The following KPNA5 variants were observed in gnomAD, a reference collection of about 807,000 sequenced individuals.
KPNA5 encodes the protein karyopherin subunit alpha 5, also known as importin subunit alpha-6.
A neutral mutation model predicts 71.3 loss-of-function variants in KPNA5; 46 were observed. The observed-to-expected ratio is 0.65, with a 90% CI of 0.51 to 0.83. The LOEUF (loss-of-function observed/expected upper bound fraction) is 0.83. Among genes scored for constraint, KPNA5 ranks in the 40% least tolerant of loss-of-function variants. KPNA5 has a pLI of 0.00. For missense variants in KPNA5, 547 were observed against 628.3 expected (o/e 0.87, Z 1.38); for synonymous variants, 207 against 201.4 (o/e 1.03, Z -0.24).
chr6:116,709,341 G>T (rs1263466920), intron 7 of KPNA5, among the ~76,000 whole-genome samples: 1 of 151,716 alleles, frequency 6.6e-6, no homozygotes, highest in Non-Finnish European at 1.5e-5. Flanking sequence ...GGGAATACAG[G>T]CGTGCACCAC....
chr6:116,692,625 T>C (rs1325164152), intron 4 of KPNA5, among the ~76,000 whole-genome samples: 1 of 152,158 alleles, frequency 6.6e-6, no homozygotes, highest in Admixed American at 6.5e-5. Flanking sequence ...GAGGCAAATA[T>C]AAAAAGATTA....
intron 1 of KPNA5, among the ~76,000 whole-genome samples, chr6:116,688,369 A>T (rs2114363570): frequency 6.6e-6 from 1 of 152,222 alleles, no homozygotes; most frequent in South Asian, 2.1e-4. Flanking sequence ...TTGGACATGG[A>T]TATGTCCTCT....
chr6:116,692,229 T>A (rs1777830124), intron 3 of KPNA5, 64 bp from the exon 4 acceptor site: 1 of 1,420,944 alleles, frequency 7.0e-7, no homozygotes. Context: ...CAAATATTTA[T>A]GCATGCAAAA....
chr6:116,681,277 C>T lies in KPNA5; in HGVS notation c.-58C>T. The T allele has an allele frequency of 3.1e-6, 5 of 1,607,748 alleles. No homozygotes were observed. Among genetic ancestry groups the T allele is most frequent in the Non-Finnish European group, 4.3e-6 (5 of 1,176,464 alleles). On this transcript the variant is annotated 5_prime_UTR_variant, in exon 1 of 14. Transcript: ENST00000368564. The stretch of plus-strand genomic sequence containing the variant: ...GCGGAGTGGCGGCCCTTCTGTTACC[C>T]GCCACACACGTCGCCGCTGGGGACT...
At position 116,733,236 on chromosome 6, in the gene KPNA5, GAA is replaced by G. The variant is rs1779557938; in HGVS notation, c.*916_*917del. On this transcript the variant is annotated 3_prime_UTR_variant, in exon 14 of 14. Transcript: ENST00000368564. ...TCTCTGATTTTTCAGAGCAGTAATT[GAA>G]AAGTTTCATTTTCTGTATAATAGTA... 2 of 151,508 alleles carry G rather than the reference GAA, an allele frequency of 1.3e-5. No individual in the cohort carries two copies. Among genetic ancestry groups the G allele is most frequent in the African/African-American group, 4.8e-5 (2 of 41,478 alleles). The allele number at this position is 151,508 out of a possible 1,614,324, so 9.4% of individuals were successfully genotyped here. A position where few individuals can be genotyped will look rare whatever the true frequency, so the allele number is the denominator to read the frequency against.
intron 1 of KPNA5, among the ~76,000 whole-genome samples, chr6:116,682,057 G>C (rs534812327): frequency 3.2e-4 from 48 of 152,176 alleles, no homozygotes; most frequent in African/African-American, 1.1e-3. Context: ...ACGAGGTCAG[G>C]AGATCGAGAC....
intron 5 of KPNA5, among the ~76,000 whole-genome samples, chr6:116,699,019 A>G (rs1171688262): frequency 1.3e-5 from 2 of 152,018 alleles, no homozygotes; most frequent in Non-Finnish European, 2.9e-5. Context: ...AAGTATATAA[A>G]ATCATTACTA....
intron 7 of KPNA5, among the ~76,000 whole-genome samples, chr6:116,710,891 ATATTT>A (rs1318639118): frequency 0.015 from 1,076 of 69,918 alleles, 10 homozygotes; most frequent in African/African-American, 0.091. Flanking sequence ...ATATATATAT[ATATTT>A]TTTTTTTTTT....
intron 1 of KPNA5, among the ~76,000 whole-genome samples, chr6:116,682,138 A>C (rs964550527): frequency 2.6e-5 from 4 of 151,994 alleles, no homozygotes; most frequent in African/African-American, 4.8e-5. Context: ...ATACAAAATA[A>C]TAAATACAAA....
chr6:116,688,724 A>G (rs1298131795), intron 1 of KPNA5, among the ~76,000 whole-genome samples: 1 of 152,160 alleles, frequency 6.6e-6, no homozygotes. Context: ...TTAGTATTTC[A>G]AAAGAACTAA....
Position 116,699,302 on chromosome 6 carries a change from T to C in KPNA5, c.435+504T>C, listed in dbSNP as rs193282374. ...GATATAGTTACAATTTTAAGATGTC[T>C]TCCAAATAATTTGCTACTAATGGAA... is the stretch of plus-strand genomic sequence containing the variant. On this transcript the variant is annotated intron_variant, in intron 5 of 13. Transcript: ENST00000368564. 3.8e-3 allele frequency among the ~76,000 whole-genome samples: 578 copies of C among 152,276 alleles called. 3 individuals are homozygous for C. The highest frequency in any genetic ancestry group is 6.3e-3 in the Admixed American group (97 of 15,294).
Position 116,701,851 on chromosome 6 carries a change from CT to C in KPNA5, c.436-160del, listed in dbSNP as rs1298397193. Reference sequence around the variant, plus strand: ...AATCAGTGATCTTTGATGACAATTACTTTTTTTTCTATGAGTTTTTATCCTT... The same window carrying C: ...AATCAGTGATCTTTGATGACAATTACTTTTTTTCTATGAGTTTTTATCCTT... On this transcript the variant is annotated intron_variant, in intron 5 of 13. Coordinates refer to ENST00000368564, the MANE Select transcript of KPNA5 (RefSeq NM_001366306.2). Among the ~76,000 whole-genome samples, 20 of 152,134 alleles carry C rather than the reference CT, an allele frequency of 1.3e-4. No homozygotes were observed. In the East Asian group the frequency reaches 1.7e-3, roughly 13 times the overall value.
At chr6:116,702,224 TG>T in intron 6 of KPNA5, 74 bp downstream of exon 6, 1 of 1,450,394 alleles carries the variant, frequency 6.9e-7, no homozygotes, top group Non-Finnish European at 9.4e-7. Context: ...GTAATTACGA[TG>T]TGTAATTCAT....
At chr6:116,701,978 C>A in intron 5 of KPNA5, 41 bp from the exon 6 acceptor site, 1 of 1,584,440 alleles carries the variant, frequency 6.3e-7, no homozygotes, top group Non-Finnish European at 8.6e-7. Context: ...TCTGACAATT[C>A]TTTGGTTCTT....
intron 12 of KPNA5, 60 bp from the exon 13 acceptor site, chr6:116,729,503 G>A: frequency 2.7e-6 from 3 of 1,100,326 alleles, no homozygotes; most frequent in Non-Finnish European, 2.4e-6. Flanking sequence ...GTTACAAACA[G>A]TACTTAAGTC....
chr6:116,707,032 C>CA (rs1278010269), intron 7 of KPNA5, among the ~76,000 whole-genome samples: 1 of 151,140 alleles, frequency 6.6e-6, no homozygotes, highest in African/African-American at 2.4e-5. Context: ...GGCGTGGTGG[C>CA]AGGCGCCTGT....
Position 116,681,253 on chromosome 6 carries a change from C to T in KPNA5, c.-82C>T, listed in dbSNP as rs1777340577. The T allele has an allele frequency of 4.4e-6, 7 of 1,577,590 alleles. No individual in the cohort carries two copies. The highest frequency in any genetic ancestry group is 6.1e-6 in the Non-Finnish European group (7 of 1,152,468). ...GGGTCGCTACGCTTCACGCCAGGGGCGGAGTGGCGGCCCTTCTGTTACCCG... is the reference window on the plus strand; with the variant it reads ...GGGTCGCTACGCTTCACGCCAGGGGTGGAGTGGCGGCCCTTCTGTTACCCG... On this transcript the variant is annotated 5_prime_UTR_variant, in exon 1 of 14. Transcript: ENST00000368564.
intron 7 of KPNA5, among the ~76,000 whole-genome samples, chr6:116,711,788 A>T (rs1029382900): frequency 1.3e-5 from 2 of 152,048 alleles, no homozygotes; most frequent in Non-Finnish European, 2.9e-5. Flanking sequence ...AGCCCAGCTA[A>T]TTTTTGTATT....
intron 1 of KPNA5, chr6:116,681,605 A>G (rs1248464410): frequency 1.8e-6 from 2 of 1,101,520 alleles, no homozygotes; most frequent in Non-Finnish European, 2.3e-6. Flanking sequence ...AGCTGGTCTC[A>G]TCTTCGCCGC....
Sources: allele counts gnomAD v4.1 joint callset (sites outside exome capture counted in the v4.1 genomes callset), GRCh38; gene constraint gnomAD v4.1.1; transcripts MANE v1.5; gene names NCBI Gene and HGNC (gene_info 2026-07-23, HGNC 2026-07-21).